CDK14: variants seen among roughly 807,000 people sequenced by gnomAD.
CDK14 encodes the protein cyclin-dependent kinase 14.
A neutral mutation model predicts 60.7 loss-of-function variants in CDK14; 34 were observed. That is an observed-to-expected ratio of 0.56 (90% CI 0.43 to 0.75). CDK14 has a LOEUF of 0.75. CDK14 is among the 30% of genes least tolerant of loss of function. The pLI is 0.00. For missense variants in CDK14, 482 were observed against 564.1 expected (o/e 0.85, Z 1.47); for synonymous variants, 197 against 203.7 (o/e 0.97, Z 0.28).
chr7:90,750,445 T>G (rs1279061729), intron 4 of CDK14, among the ~76,000 whole-genome samples: 1 of 152,090 alleles, frequency 6.6e-6, no homozygotes, highest in East Asian at 1.9e-4. Flanking sequence ...GGAAGCTTAG[T>G]GAGATCCAAG....
At chr7:91,193,877 G>T (rs1443043453) in intron 14 of CDK14, among the ~76,000 whole-genome samples, 1 of 152,086 alleles carries the variant, frequency 6.6e-6, no homozygotes, top group African/African-American at 2.4e-5. Context: ...GTTTTATGTG[G>T]AGGTTCTTCA....
intron 9 of CDK14, among the ~76,000 whole-genome samples, chr7:90,958,942 C>T (rs1474953940): frequency 6.6e-6 from 1 of 152,042 alleles, no homozygotes; most frequent in East Asian, 1.9e-4. Flanking sequence ...TTTAAAAGCA[C>T]CAAGAACCAA....
chr7:91,028,452 G>A (rs868181171), intron 10 of CDK14, among the ~76,000 whole-genome samples: 1 of 152,148 alleles, frequency 6.6e-6, no homozygotes, highest in Non-Finnish European at 1.5e-5. Context: ...CCTACTAGTA[G>A]AATTACTGGA....
chr7:91,134,330 C>T (rs1800205789), intron 14 of CDK14, among the ~76,000 whole-genome samples: 1 of 152,062 alleles, frequency 6.6e-6, no homozygotes, highest in African/African-American at 2.4e-5. Context: ...CACCTCATCC[C>T]CTAAATATCT....
At chr7:90,833,941 A>G (rs1252762584) in intron 5 of CDK14, among the ~76,000 whole-genome samples, 1 of 152,214 alleles carries the variant, frequency 6.6e-6, no homozygotes, top group Non-Finnish European at 1.5e-5. Flanking sequence ...GATATTTCAT[A>G]GTAGCTCTAA....
intron 9 of CDK14, among the ~76,000 whole-genome samples, chr7:90,982,098 G>A (rs1235053572): frequency 3.3e-5 from 5 of 152,174 alleles, no homozygotes; most frequent in Non-Finnish European, 7.4e-5. Flanking sequence ...AAGGTCTTTT[G>A]ATTTACTGGA....
intron 6 of CDK14, among the ~76,000 whole-genome samples, chr7:90,867,992 C>T (rs1791242219): frequency 6.6e-6 from 1 of 151,536 alleles, no homozygotes; most frequent in Non-Finnish European, 1.5e-5. Context: ...ATTACCCAGG[C>T]TGGTGGCATG....
At chr7:91,106,117 A>AT (rs1233822997) in intron 12 of CDK14, among the ~76,000 whole-genome samples, 2 of 152,164 alleles carry the variant, frequency 1.3e-5, no homozygotes, top group African/African-American at 2.4e-5. Flanking sequence ...AATGGCTGGG[A>AT]TTTTTTCTTG....
chr7:90,916,996 T>G (rs1305963368), intron 7 of CDK14, among the ~76,000 whole-genome samples: 1 of 152,226 alleles, frequency 6.6e-6, no homozygotes, highest in Non-Finnish European at 1.5e-5. Context: ...TACATGTCTG[T>G]CTTTAAGCAG....
At chr7:91,147,162 T>TCTCTCTCTCTCA (rs1438870514) in intron 14 of CDK14, among the ~76,000 whole-genome samples, 215 of 124,730 alleles carry the variant, frequency 1.7e-3, no homozygotes, top group African/African-American at 6.5e-3. Context: ...TCTCTCTCTC[T>TCTCTCTCTCTCA]CACACACACA....
chr7:90,886,870 G>A (rs1791960955), intron 6 of CDK14, among the ~76,000 whole-genome samples: 1 of 152,118 alleles, frequency 6.6e-6, no homozygotes, highest in South Asian at 2.1e-4. Flanking sequence ...CACAGCAAGA[G>A]ATTAAGTACA....
At chr7:91,197,663 T>C (rs1412232268) in intron 14 of CDK14, among the ~76,000 whole-genome samples, 3 of 152,198 alleles carry the variant, frequency 2.0e-5, no homozygotes, top group Non-Finnish European at 4.4e-5. Flanking sequence ...CAGGCACTTT[T>C]ATTAAGTGGA....
At chr7:91,086,726 A>G (rs696265) in intron 12 of CDK14, among the ~76,000 whole-genome samples, 63,315 of 151,914 alleles carry the variant, frequency 0.42, 14,229 homozygotes, top group East Asian at 0.81. Flanking sequence ...GAAAACTACC[A>G]CATTTTACAA....
chr7:90,692,519 A>G (rs1801573166), intron 2 of CDK14: 1 of 155,728 alleles, frequency 6.4e-6, no homozygotes, highest in African/African-American at 2.4e-5. Flanking sequence ...CATACTGTAC[A>G]CCGATATCCC....
At chr7:91,013,656 G>GGTTTTTT (rs1562868451) in intron 10 of CDK14, among the ~76,000 whole-genome samples, 7 of 123,376 alleles carry the variant, frequency 5.7e-5, no homozygotes, top group Admixed American at 8.4e-5. Flanking sequence ...CATTGCCTCT[G>GGTTTTTT]TTTTTTTTTT....
chr7:90,802,252 G>A (rs1788668211), intron 5 of CDK14, among the ~76,000 whole-genome samples: 1 of 152,158 alleles, frequency 6.6e-6, no homozygotes, highest in Admixed American at 6.6e-5. Context: ...GTAGGTGACA[G>A]GTTAAATTAG....
intron 8 of CDK14, among the ~76,000 whole-genome samples, chr7:90,951,935 G>A (rs1478283789): frequency 1.3e-5 from 2 of 152,108 alleles, no homozygotes; most frequent in Non-Finnish European, 2.9e-5. Context: ...ATCATCTATG[G>A]ATGGCAGTTA....
intron 9 of CDK14, among the ~76,000 whole-genome samples, chr7:90,972,989 C>T (rs183120590): frequency 1.5e-4 from 23 of 152,236 alleles, no homozygotes; most frequent in African/African-American, 5.3e-4. Context: ...GGATGAGAAG[C>T]ACTGCTTCAA....
At chr7:90,681,326 G>A (rs1233518517) in intron 2 of CDK14, among the ~76,000 whole-genome samples, 1 of 152,148 alleles carries the variant, frequency 6.6e-6, no homozygotes, top group Non-Finnish European at 1.5e-5. Flanking sequence ...CAAACTGAGA[G>A]CTATTTAGGA....
Sources: gnomAD v4.1 joint callset for allele counts (sites outside exome capture counted in the v4.1 genomes callset) on GRCh38, gnomAD v4.1.1 for gene constraint, MANE v1.5 for transcripts, NCBI Gene and HGNC (gene_info 2026-07-23, HGNC 2026-07-21) for gene names.